SLC25A25: variants seen among roughly 807,000 people sequenced by gnomAD.
SLC25A25 encodes the protein solute carrier family 25 member 25.
SLC25A25 carries 32 observed loss-of-function variants against 57.7 expected under a neutral mutation model. That is an observed-to-expected ratio of 0.55 (90% CI 0.42 to 0.74). The LOEUF (loss-of-function observed/expected upper bound fraction) is 0.74. Ranked by LOEUF, SLC25A25 falls within the 30% of genes least tolerant of loss-of-function variation. The pLI, the probability that SLC25A25 is intolerant of heterozygous loss-of-function variation, is 0.00. For missense variants in SLC25A25, 556 were observed against 701.3 expected (o/e 0.79, Z 2.34); for synonymous variants, 306 against 291.2 (o/e 1.05, Z -0.52).
rs1297771026 is a variant in SLC25A25, at chr9:128,103,891, GA to G, written c.783+53del. ...CTGGGGGGCCAGTTTCCACCTGGGG[GA>G]TGCTGCTTGGCTAGTTTTCCCTTTC... is the stretch of plus-strand genomic sequence containing the variant. On this transcript the variant is annotated intron_variant, in intron 6 of 10. Coordinates refer to ENST00000373069, the MANE Select transcript of SLC25A25 (RefSeq NM_001330988.2). The surrounding 1 kb of genome is among the most constrained non-coding windows in gnomAD (Gnocchi z 6.7). 6.8e-7 allele frequency: 1 copy of G among 1,480,296 alleles called. No individual in the cohort carries two copies. Among genetic ancestry groups the G allele is most frequent in the Non-Finnish European group, 9.0e-7 (1 of 1,116,338 alleles). 91.7% of individuals were successfully genotyped at this position (1,480,296 alleles called of 1,614,324 possible). A position where few individuals can be genotyped will look rare whatever the true frequency, so the allele number is the denominator to read the frequency against.
Position 128,107,072 on chromosome 9 carries a change from C to T in SLC25A25, c.1256C>T (p.Ala419Val), listed in dbSNP as rs918513697. The T allele has an allele frequency of 7.4e-6, 12 of 1,614,028 alleles. No homozygotes were observed. The highest frequency in any genetic ancestry group is 2.7e-5 in the African/African-American group (2 of 74,928). The stretch of plus-strand genomic sequence containing the variant: ...CTGCAGCACTATGCAGTGAACAGCG[C>T]GGACCCCGGCGTGTTTGTGCTCCTG... ...AWLQHYAVNS[A>V]DPGVFVLLAC... The change falls in exon 10 of 11, where the codon GCG becomes GTG. Residue 419 changes from alanine to valine, a missense_variant. By Grantham distance (64) the Ala-to-Val change is moderately conservative. Around this residue, in one of 3 missense-constraint regions of SLC25A25, gnomAD observed 294 missense variants for 389.6 expected, o/e 0.75. Transcript: ENST00000373069.
chr9:128,076,060 T>A (rs984294130), intron 1 of SLC25A25, among the ~76,000 whole-genome samples: 1 of 151,988 alleles, frequency 6.6e-6, no homozygotes, highest in Admixed American at 6.6e-5. Context: ...TTATTTTATT[T>A]TATTTTATTT....
intron 1 of SLC25A25, among the ~76,000 whole-genome samples, chr9:128,086,863 T>C (rs1256653052): frequency 6.6e-6 from 1 of 152,216 alleles, no homozygotes; most frequent in African/African-American, 2.4e-5. Context: ...GTTACACACG[T>C]TATAAACCCA....
intron 1 of SLC25A25, among the ~76,000 whole-genome samples, chr9:128,080,078 A>G (rs1380841025): frequency 1.3e-5 from 2 of 151,496 alleles, no homozygotes; most frequent in Non-Finnish European, 2.9e-5. Flanking sequence ...AAAAAAACTC[A>G]GGAGGGGCCG....
At chr9:128,072,489 C>T (rs900789431) in intron 1 of SLC25A25, among the ~76,000 whole-genome samples, 4 of 152,200 alleles carry the variant, frequency 2.6e-5, no homozygotes, top group African/African-American at 9.7e-5. Context: ...GGCCATGTGA[C>T]TTCACAAAGC....
At chr9:128,089,100 T>C (rs1833342052) in intron 1 of SLC25A25, among the ~76,000 whole-genome samples, 1 of 152,146 alleles carries the variant, frequency 6.6e-6, no homozygotes, top group African/African-American at 2.4e-5. Flanking sequence ...CACATTATGT[T>C]GGCCATGCCG....
At chr9:128,091,557 T>C in intron 1 of SLC25A25, 1 of 1,000,384 alleles carries the variant, frequency 1.0e-6, no homozygotes, top group Non-Finnish European at 1.2e-6. Context: ...TTTTTTTTTT[T>C]TTTTAAAAAA....
intron 1 of SLC25A25, among the ~76,000 whole-genome samples, chr9:128,085,371 A>T (rs1287862017): frequency 6.6e-6 from 1 of 151,352 alleles, no homozygotes; most frequent in African/African-American, 2.4e-5. Flanking sequence ...GGTGGCTCAC[A>T]TCTGTAATCC....
chr9:128,103,598 C>CGT lies in SLC25A25; in HGVS notation c.625-81_625-80dup. The CGT allele has an allele frequency of 6.3e-7, 1 of 1,576,522 alleles. No homozygotes were observed. Among genetic ancestry groups the CGT allele is most frequent in the Non-Finnish European group, 8.7e-7 (1 of 1,149,542 alleles). On this transcript the variant is annotated intron_variant, in intron 5 of 10. Transcript: ENST00000373069. The surrounding 1 kb of genome is among the most constrained non-coding windows in gnomAD (Gnocchi z 6.7). ...TGTCCTGTGGTCCCTGGCCTGGAGC[C>CGT]GTGCTAGAGGGTAGACGGCGACAGG...
chr9:128,089,511 T>C (rs1054046840), intron 1 of SLC25A25, among the ~76,000 whole-genome samples: 1 of 152,080 alleles, frequency 6.6e-6, no homozygotes, highest in African/African-American at 2.4e-5. Flanking sequence ...TTAATCAACA[T>C]GCAAAACTGC....
rs1372866061 is a variant in SLC25A25 at position 128,107,570 on chromosome 9, G to A, written c.*126G>A. ...GAGCCAAGCTGTGAAAACCCTAGAC[G>A]CACCCGCAGGGAGGGTGGGGAGAGC... On this transcript the variant is annotated 3_prime_UTR_variant, in exon 11 of 11. Transcript: ENST00000373069. The A allele has an allele frequency of 7.7e-6, 9 of 1,163,064 alleles. No individual in the cohort carries two copies. Among genetic ancestry groups the A allele is most frequent in the African/African-American group, 4.6e-5 (3 of 65,016 alleles). The allele number at this position is 1,163,064 out of a possible 1,614,324, so 72.0% of individuals were successfully genotyped here.
At chr9:128,086,396 C>A (rs1423444558) in intron 1 of SLC25A25, among the ~76,000 whole-genome samples, 1 of 145,954 alleles carries the variant, frequency 6.9e-6, no homozygotes, top group East Asian at 2.0e-4. Flanking sequence ...TGCAATGGCG[C>A]GATCTCAGCG....
At chr9:128,083,516 T>TTTTC (rs1479670343) in intron 1 of SLC25A25, among the ~76,000 whole-genome samples, 65 of 142,624 alleles carry the variant, frequency 4.6e-4, no homozygotes, top group Non-Finnish European at 6.2e-4. Flanking sequence ...CTTTTTTCTT[T>TTTTC]TTTTTTTTTT....
In SLC25A25 at chr9:128,103,916, T is replaced by G; in HGVS notation, c.783+77T>G. The G allele has an allele frequency of 6.3e-6, 9 of 1,432,664 alleles. No individual in the cohort carries two copies. Among genetic ancestry groups the G allele is most frequent in the Non-Finnish European group, 7.4e-6 (8 of 1,085,050 alleles). 88.7% of individuals were successfully genotyped at this position (1,432,664 alleles called of 1,614,324 possible). A position where few individuals can be genotyped will look rare whatever the true frequency, so the allele number is the denominator to read the frequency against. On this transcript the variant is annotated intron_variant, in intron 6 of 10. Transcript: ENST00000373069. The surrounding 1 kb of genome is among the most constrained non-coding windows in gnomAD (Gnocchi z 6.7). ...GATGCTGCTTGGCTAGTTTTCCCTTTCTCTGGCTGGTGCCTGCTTTGGGCC... is the reference window on the plus strand; with the variant it reads ...GATGCTGCTTGGCTAGTTTTCCCTTGCTCTGGCTGGTGCCTGCTTTGGGCC...
intron 1 of SLC25A25, chr9:128,091,431 A>G: frequency 1.0e-6 from 1 of 985,678 alleles, no homozygotes; most frequent in Non-Finnish European, 1.2e-6. Flanking sequence ...GAGAATGCAG[A>G]CTGGATGCTC....
chr9:128,090,639 C>A (rs1033231693), intron 1 of SLC25A25, among the ~76,000 whole-genome samples: 1 of 151,944 alleles, frequency 6.6e-6, no homozygotes, highest in African/African-American at 2.4e-5. Context: ...GGTGAAACCC[C>A]GTCTCTACTA....
chr9:128,081,726 C>T (rs1253325804), intron 1 of SLC25A25, among the ~76,000 whole-genome samples: 3 of 151,938 alleles, frequency 2.0e-5, no homozygotes, highest in African/African-American at 7.3e-5. Flanking sequence ...GCCAGGAGTT[C>T]GAGACCAGTC....
rs765217256 is a variant in SLC25A25, at chr9:128,106,212, G to T, written c.999G>T (p.Gly333=). 2 of 1,614,194 alleles carry T rather than the reference G, an allele frequency of 1.2e-6. No individual in the cohort carries two copies. The highest frequency in any genetic ancestry group is 2.2e-5 in the South Asian group (2 of 91,086). The part of the protein sequence containing the change: ...TLRIHERLVA[G]SLAGAIAQSS... ...GGATTCACGAGAGGCTTGTGGCAGG[G>T]TCCTTGGCAGGGGCCATCGCCCAGA... Residue 333 remains glycine (G), a synonymous_variant, in exon 8 of 11, where the codon GGG becomes GGT. Transcript: ENST00000373069.
At chr9:128,075,262 G>C (rs60983092) in intron 1 of SLC25A25, among the ~76,000 whole-genome samples, 7,827 of 152,016 alleles carry the variant, frequency 0.051, 640 homozygotes, top group African/African-American at 0.18. Context: ...AGCAGAGACT[G>C]TGCCACTGCA....
Sources: allele counts gnomAD v4.1 joint callset (sites outside exome capture counted in the v4.1 genomes callset), GRCh38; gene constraint gnomAD v4.1.1; regional missense constraint gnomAD v4.1.1; non-coding constraint Gnocchi (gnomAD v3.1); transcripts MANE v1.5; gene names NCBI Gene and HGNC (gene_info 2026-07-23, HGNC 2026-07-21).